The following DPY19L3 variants were observed in gnomAD, a reference collection of about 807,000 sequenced individuals.
DPY19L3 encodes the protein protein C-mannosyl-transferase DPY19L3.
In DPY19L3, 51 loss-of-function variants were observed where a neutral mutation model predicts 92.3. The observed-to-expected ratio is 0.55, with a 90% CI of 0.44 to 0.70. The LOEUF is 0.70. Ranked by LOEUF, DPY19L3 falls within the 30% of genes least tolerant of loss-of-function variation. The pLI, the probability that DPY19L3 is intolerant of heterozygous loss-of-function variation, is 0.00. For missense variants in DPY19L3, 706 were observed against 855.9 expected, an observed-to-expected ratio of 0.82 and a Z score of 2.18; for synonymous variants, 309 against 315.2, an observed-to-expected ratio of 0.98 and a Z score of 0.21.
At chr19:32,457,731 A>AT (rs1357015764) in intron 10 of DPY19L3, among the ~76,000 whole-genome samples, 1 of 152,160 alleles carries the variant, frequency 6.6e-6, no homozygotes, top group Admixed American at 6.5e-5. Context: ...CGGTGTATCT[A>AT]TTTGAGGTTT....
intron 9 of DPY19L3, among the ~76,000 whole-genome samples, chr19:32,454,038 T>C (rs989713961): frequency 2.6e-5 from 4 of 152,184 alleles, no homozygotes; most frequent in Non-Finnish European, 4.4e-5. Context: ...AGAATTGTTA[T>C]GGACAAAGGT....
intron 8 of DPY19L3, among the ~76,000 whole-genome samples, chr19:32,447,402 A>T (rs551457761): frequency 3.4e-4 from 52 of 152,330 alleles, no homozygotes; most frequent in Non-Finnish European, 6.9e-4. Flanking sequence ...TATTGAAAAC[A>T]TGAATAATAG....
chr19:32,454,750 T>C (rs2145567277), intron 9 of DPY19L3, among the ~76,000 whole-genome samples, 189 bp from the exon 10 acceptor site: 1 of 152,310 alleles, frequency 6.6e-6, no homozygotes, highest in African/African-American at 2.4e-5. Flanking sequence ...GTGATTCATT[T>C]ACTACTAGAA....
rs1353233653 is a variant in DPY19L3 at position 32,458,463 on chromosome 19, T to C, written c.1276T>C (p.Ser426Pro). 8 of 1,613,502 alleles carry C rather than the reference T, an allele frequency of 5.0e-6. No individual in the cohort carries two copies. The Admixed American group carries it at 5.0e-5, about 10-fold the overall frequency. The change falls in exon 12 of 19, where the codon TCC (serine) becomes CCC (proline). Residue 426 changes from serine (S) to proline (P), a missense_variant. Physicochemically the swap from Ser to Pro is moderately conservative, Grantham distance 74 (BLOSUM62 -1). Transcript: ENST00000392250. ...LLFYAYIFVL[S>P]ITVIVAFVVA... is the part of the protein sequence containing the mutation. ...TTTTTATGCTTACATATTCGTTCTG[T>C]CCATCACAGTGATTGTAGCATTCGT...
At chr19:32,405,945 T>A (rs1967923262) in intron 1 of DPY19L3, 36 bp downstream of exon 1, 1 of 150,616 alleles carries the variant, frequency 6.6e-6, no homozygotes, top group Non-Finnish European at 1.5e-5. Flanking sequence ...CGGGCGAGGG[T>A]CTACCGAGAG....
At chr19:32,479,249 G>T (rs1970601657) in intron 17 of DPY19L3, among the ~76,000 whole-genome samples, 2 of 152,076 alleles carry the variant, frequency 1.3e-5, no homozygotes, top group Non-Finnish European at 1.5e-5. Context: ...GTTCCAGATA[G>T]TTCCAAATTA....
intron 3 of DPY19L3, among the ~76,000 whole-genome samples, chr19:32,422,880 C>G (rs972496533): frequency 1.3e-5 from 2 of 152,176 alleles, no homozygotes; most frequent in Admixed American, 6.5e-5. Context: ...GTCAACCTAG[C>G]ATTCAGTTTC....
intron 8 of DPY19L3, among the ~76,000 whole-genome samples, chr19:32,444,229 A>G (rs1969415460): frequency 6.6e-6 from 1 of 152,168 alleles, no homozygotes; most frequent in African/African-American, 2.4e-5. Flanking sequence ...AAATGAAAAT[A>G]CAAACTCTAA....
chr19:32,479,275 G>A (rs1257692287), intron 17 of DPY19L3, among the ~76,000 whole-genome samples: 1 of 152,040 alleles, frequency 6.6e-6, no homozygotes, highest in Non-Finnish European at 1.5e-5. Flanking sequence ...GAGGATGCAG[G>A]AAAGGGGCTC....
intron 3 of DPY19L3, among the ~76,000 whole-genome samples, chr19:32,413,711 T>C (rs1245227504): frequency 1.3e-5 from 2 of 151,716 alleles, no homozygotes; most frequent in African/African-American, 4.8e-5. Context: ...TTTACTCGTT[T>C]ATATATCTTT....
At chr19:32,431,225 C>A (rs960047604) in intron 3 of DPY19L3, among the ~76,000 whole-genome samples, 2 of 151,914 alleles carry the variant, frequency 1.3e-5, no homozygotes, top group Non-Finnish European at 2.9e-5. Flanking sequence ...ACTAAAAATA[C>A]CAAATTAGCC....
intron 3 of DPY19L3, among the ~76,000 whole-genome samples, chr19:32,414,024 A>C (rs989917722): frequency 6.6e-6 from 1 of 151,918 alleles, no homozygotes; most frequent in Non-Finnish European, 1.5e-5. Flanking sequence ...ATGCCCACCT[A>C]TCTCTTTAAA....
chr19:32,420,432 T>A (rs1336429978), intron 3 of DPY19L3, among the ~76,000 whole-genome samples: 1 of 150,876 alleles, frequency 6.6e-6, no homozygotes, highest in Non-Finnish European at 1.5e-5. Context: ...TGATTTTTGT[T>A]TAGTAGTTTT....
intron 8 of DPY19L3, among the ~76,000 whole-genome samples, chr19:32,447,971 T>C (rs1382498139): frequency 1.3e-5 from 2 of 151,736 alleles, no homozygotes; most frequent in African/African-American, 4.8e-5. Context: ...TCAGGAAGAG[T>C]GGGAGGTGGG....
At chr19:32,475,856 C>T (rs1970491423) in intron 16 of DPY19L3, among the ~76,000 whole-genome samples, 1 of 152,216 alleles carries the variant, frequency 6.6e-6, no homozygotes, top group South Asian at 2.1e-4. Context: ...GACAAGCTCT[C>T]AAGTGCAGCC....
At chr19:32,470,185 T>C (rs1970314862) in intron 16 of DPY19L3, among the ~76,000 whole-genome samples, 1 of 152,260 alleles carries the variant, frequency 6.6e-6, no homozygotes, top group Non-Finnish European at 1.5e-5. Context: ...GCACTAAGCG[T>C]TGCTTTGTCT....
chr19:32,472,224 T>A lies in DPY19L3; in HGVS notation c.1697+3411T>A, dbSNP rs369464141. 1.8e-4 allele frequency among the ~76,000 whole-genome samples: 28 copies of A among 152,332 alleles called. No homozygotes were observed. In the East Asian group the frequency reaches 4.8e-3, roughly 26 times the overall value. ...CTTTAGCTCCTAAAAGGAGTAGAGATTGAAGCTTCAGTATGAAACCAACAG... is the reference window on the plus strand; with the variant it reads ...CTTTAGCTCCTAAAAGGAGTAGAGAATGAAGCTTCAGTATGAAACCAACAG... On this transcript the variant is annotated intron_variant, in intron 16 of 18. Coordinates refer to ENST00000392250, the MANE Select transcript of DPY19L3 (RefSeq NM_001172774.2).
At chr19:32,473,673 G>C (rs1162492112) in intron 16 of DPY19L3, among the ~76,000 whole-genome samples, 2 of 152,196 alleles carry the variant, frequency 1.3e-5, no homozygotes, top group Non-Finnish European at 2.9e-5. Flanking sequence ...GTGAAGTATT[G>C]GAAGTAGCAG....
chr19:32,459,084 A>G (rs1322917324), intron 12 of DPY19L3, among the ~76,000 whole-genome samples: 2 of 152,190 alleles, frequency 1.3e-5, no homozygotes, highest in African/African-American at 4.8e-5. Context: ...AGGGCTCATA[A>G]TGTTGGAGTG....
Sources: allele counts gnomAD v4.1 joint callset (sites outside exome capture counted in the v4.1 genomes callset), GRCh38; gene constraint gnomAD v4.1.1; transcripts MANE v1.5; gene names NCBI Gene and HGNC (gene_info 2026-07-23, HGNC 2026-07-21).